Variants in WASL observed in about 807,000 individuals in gnomAD.
WASL encodes the protein actin nucleation-promoting factor WASL.
A neutral mutation model predicts 55.5 loss-of-function variants in WASL; 20 were observed. The ratio of observed to expected loss-of-function variants is 0.36; its 90% CI spans 0.25 to 0.52. The LOEUF (loss-of-function observed/expected upper bound fraction) is 0.52. Ranked by LOEUF, WASL falls within the 20% of genes least tolerant of loss-of-function variation. The pLI is 0.92. For missense variants in WASL, 504 were observed against 622.5 expected (o/e 0.81, Z 2.03); for synonymous variants, 249 against 217.6 (o/e 1.14, Z -1.27).
intron 1 of WASL, among the ~76,000 whole-genome samples, chr7:123,739,082 A>G (rs1804286619): frequency 6.6e-6 from 1 of 152,174 alleles, no homozygotes; most frequent in South Asian, 2.1e-4. Context: ...ACAATAAAGT[A>G]TTACTCAATC....
chr7:123,728,606 C>T (rs1804089395), intron 1 of WASL, among the ~76,000 whole-genome samples: 1 of 152,066 alleles, frequency 6.6e-6, no homozygotes, highest in Non-Finnish European at 1.5e-5. Flanking sequence ...CTTTGGGAGG[C>T]CGAGGCAGGC....
rs1268973545 is a variant in WASL, at chr7:123,748,998, G to A, written c.-264C>T. The A allele has an allele frequency of 8.0e-6, 4 of 497,428 alleles. No homozygotes were observed. The highest frequency in any genetic ancestry group is 7.0e-5 in the East Asian group (2 of 28,746). 30.8% of individuals were successfully genotyped at this position (497,428 alleles called of 1,614,324 possible). A position where few individuals can be genotyped will look rare whatever the true frequency, so the allele number is the denominator to read the frequency against. On this transcript the variant is annotated 5_prime_UTR_variant, in exon 1 of 11. Coordinates refer to ENST00000223023, the MANE Select transcript of WASL (RefSeq NM_003941.4). ...ATGGTCGTTGTCCTCGCACTCCGGCGACTGCGCTAAACTCCCAACTCCTCC... is the reference window on the plus strand; with the variant it reads ...ATGGTCGTTGTCCTCGCACTCCGGCAACTGCGCTAAACTCCCAACTCCTCC...
At chr7:123,690,732 A>C (rs1223378222) in intron 9 of WASL, among the ~76,000 whole-genome samples, 1 of 152,170 alleles carries the variant, frequency 6.6e-6, no homozygotes, top group Non-Finnish European at 1.5e-5. Flanking sequence ...TATTCGTTAA[A>C]AATTTTAAAT....
At chr7:123,746,739 C>T (rs2116832171) in intron 1 of WASL, among the ~76,000 whole-genome samples, 1 of 152,338 alleles carries the variant, frequency 6.6e-6, no homozygotes, top group Admixed American at 6.5e-5. Context: ...CAATGTGCAA[C>T]ATCATTTTTC....
chr7:123,748,264 G>A (rs1181725598), intron 1 of WASL, among the ~76,000 whole-genome samples: 1 of 152,098 alleles, frequency 6.6e-6, no homozygotes, highest in Non-Finnish European at 1.5e-5. Flanking sequence ...GCTAGAACAA[G>A]GGCCCAGATT....
chr7:123,737,224 G>T (rs771670865), intron 1 of WASL, among the ~76,000 whole-genome samples: 29 of 152,054 alleles, frequency 1.9e-4, no homozygotes, highest in African/African-American at 6.3e-4. Flanking sequence ...ATTCAAAACC[G>T]TCCTGGGCCA....
chr7:123,745,077 G>A (rs950629170), intron 1 of WASL, among the ~76,000 whole-genome samples: 1 of 152,148 alleles, frequency 6.6e-6, no homozygotes, highest in African/African-American at 2.4e-5. Context: ...CAGCGAATGA[G>A]AATAAAAATA....
At chr7:123,693,890 T>G (rs961441102) in intron 8 of WASL, among the ~76,000 whole-genome samples, 3 of 152,184 alleles carry the variant, frequency 2.0e-5, no homozygotes, top group Non-Finnish European at 4.4e-5. Context: ...CCTTTACATC[T>G]AAATATCCTG....
intron 1 of WASL, among the ~76,000 whole-genome samples, chr7:123,735,106 T>C (rs1804203895): frequency 7.2e-6 from 1 of 139,244 alleles, no homozygotes; most frequent in South Asian, 2.2e-4. Flanking sequence ...GTGACTACAA[T>C]GAATACACAG....
chr7:123,735,352 C>T (rs1319839328), intron 1 of WASL, among the ~76,000 whole-genome samples: 2 of 145,314 alleles, frequency 1.4e-5, no homozygotes. Context: ...CAAAATCTGG[C>T]ATTCAATCAA....
Position 123,682,673 on chromosome 7 carries a change from A to G in WASL, c.*1846T>C, listed in dbSNP as rs2116757972. On this transcript the variant is annotated 3_prime_UTR_variant, in exon 11 of 11. Coordinates refer to ENST00000223023, the MANE Select transcript of WASL (RefSeq NM_003941.4). ...TCAAAAAGAAAAAATTTTTTCAATT[A>G]ACATTACTTAAAATAATTATAATGT... 1 of 152,256 alleles carries G rather than the reference A, an allele frequency of 6.6e-6. No individual in the cohort carries two copies. Among genetic ancestry groups the G allele is most frequent in the Non-Finnish European group, 1.5e-5 (1 of 68,000 alleles). The allele number at this position is 152,256 out of a possible 1,614,324, so 9.4% of individuals were successfully genotyped here.
At chr7:123,685,551 A>C (rs909310921) in intron 10 of WASL, among the ~76,000 whole-genome samples, 2 of 151,938 alleles carry the variant, frequency 1.3e-5, no homozygotes, top group African/African-American at 4.8e-5. Context: ...TCTTCCCCAT[A>C]ATCAGTAACG....
At chr7:123,707,631 A>G (rs1803691932) in intron 2 of WASL, among the ~76,000 whole-genome samples, 2 of 152,232 alleles carry the variant, frequency 1.3e-5, no homozygotes, top group Non-Finnish European at 2.9e-5. Flanking sequence ...TGTAAAATAC[A>G]CTGTTCACAC....
intron 1 of WASL, among the ~76,000 whole-genome samples, chr7:123,735,382 A>AG (rs1804208802): frequency 2.2e-5 from 1 of 44,484 alleles, no homozygotes; most frequent in South Asian, 1.5e-3. Flanking sequence ...AAAATGCAGG[A>AG]AAAAAAAAAA....
chr7:123,742,174 G>T (rs564734665), intron 1 of WASL, among the ~76,000 whole-genome samples: 1 of 152,266 alleles, frequency 6.6e-6, no homozygotes, highest in East Asian at 1.9e-4. Context: ...AAGAACAGAA[G>T]TTGAATAAGC....
chr7:123,744,373 T>C (rs372377448), intron 1 of WASL, among the ~76,000 whole-genome samples: 1 of 152,186 alleles, frequency 6.6e-6, no homozygotes, highest in African/African-American at 2.4e-5. Flanking sequence ...AATTATTCAA[T>C]CAATCAATAA....
chr7:123,682,414 A>G lies in WASL; in HGVS notation c.*2105T>C, dbSNP rs1362339483. 1 of 152,132 alleles carries G rather than the reference A, an allele frequency of 6.6e-6. No individual in the cohort carries two copies. The highest frequency in any genetic ancestry group is 1.5e-5 in the Non-Finnish European group (1 of 68,034). 9.4% of individuals were successfully genotyped at this position (152,132 alleles called of 1,614,324 possible). A position where few individuals can be genotyped will look rare whatever the true frequency, so the allele number is the denominator to read the frequency against. ...AACCAATGTCTTTTTCTTCTTTAAG[A>G]AAAAAAGAATAAATTAATTACCTTT... On this transcript the variant is annotated 3_prime_UTR_variant, in exon 11 of 11. Transcript: ENST00000223023.
chr7:123,747,697 A>T (rs1325747766), intron 1 of WASL, among the ~76,000 whole-genome samples: 1 of 152,178 alleles, frequency 6.6e-6, no homozygotes, highest in Non-Finnish European at 1.5e-5. Context: ...CCACACTTCA[A>T]CCCAGTCACC....
intron 10 of WASL, among the ~76,000 whole-genome samples, chr7:123,687,047 C>T (rs567608060): frequency 1.3e-5 from 2 of 152,176 alleles, no homozygotes; most frequent in East Asian, 3.9e-4. Context: ...AACTCCTAAT[C>T]TTCCCTCTCA....
Sources: gnomAD v4.1 joint callset for allele counts (sites outside exome capture counted in the v4.1 genomes callset) on GRCh38, gnomAD v4.1.1 for gene constraint, MANE v1.5 for transcripts, NCBI Gene and HGNC (gene_info 2026-07-23, HGNC 2026-07-21) for gene names.